Variants in PCCA observed in about 807,000 individuals in gnomAD.
PCCA encodes the protein propionyl-CoA carboxylase alpha chain, mitochondrial.
A neutral mutation model predicts 101.3 loss-of-function variants in PCCA; 74 were observed. The ratio of observed to expected loss-of-function variants is 0.73; its 90% CI spans 0.61 to 0.89. The LOEUF (loss-of-function observed/expected upper bound fraction) is 0.89, where lower values mean the gene tolerates loss of function less well. Ranked by LOEUF, PCCA falls within the 40% of genes least tolerant of loss-of-function variation. The pLI is 0.00. For missense variants in PCCA, 891 were observed against 907.0 expected (o/e 0.98, Z 0.23); for synonymous variants, 294 against 313.6 (o/e 0.94, Z 0.66).
intron 6 of PCCA, among the ~76,000 whole-genome samples, chr13:100,189,893 G>A (rs552610204): frequency 6.6e-6 from 1 of 152,094 alleles, no homozygotes; most frequent in Non-Finnish European, 1.5e-5. Context: ...AAATACCCTG[G>A]AATCAATATA....
At chr13:100,128,903 T>C (rs141743554) in intron 4 of PCCA, among the ~76,000 whole-genome samples, 1 of 152,324 alleles carries the variant, frequency 6.6e-6, no homozygotes, top group African/African-American at 2.4e-5. Context: ...AAAATTGTTT[T>C]ATTTTTTGTA....
chr13:100,452,114 T>C (rs2081367226), intron 21 of PCCA, among the ~76,000 whole-genome samples: 1 of 77,798 alleles, frequency 1.3e-5, no homozygotes, highest in Non-Finnish European at 2.7e-5. Context: ...TTTCTCTCTC[T>C]CCTCTTCTTC....
intron 21 of PCCA, among the ~76,000 whole-genome samples, chr13:100,485,961 G>A (rs2084341565): frequency 6.6e-6 from 1 of 152,214 alleles, no homozygotes; most frequent in Admixed American, 6.5e-5. Context: ...ACTCATCCTA[G>A]TGCAGTCCCG....
Position 100,340,262 on chromosome 13 carries a change from A to G in PCCA, c.1643+3A>G. 7.0e-7 allele frequency: 1 copy of G among 1,424,288 alleles called. No homozygotes were observed. The highest frequency in any genetic ancestry group is 9.9e-7 in the Non-Finnish European group (1 of 1,006,952). The allele number at this position is 1,424,288 out of a possible 1,614,324, so 88.2% of individuals were successfully genotyped here. ...CAACATTTTCAAGAAAATTCAAGGT[A>G]TGGTAGATCATTTAAAACAGAATAA... On this transcript the variant is annotated splice_donor_region_variant and intron_variant, in intron 18 of 23. Transcript: ENST00000376285.
chr13:100,466,076 A>T (rs2082494916), intron 21 of PCCA: 1 of 152,230 alleles, frequency 6.6e-6, no homozygotes, highest in East Asian at 1.9e-4. Context: ...ATTTGAGTAG[A>T]TGTACTGTTA....
At chr13:100,350,243 C>T (rs922360212) in intron 18 of PCCA, among the ~76,000 whole-genome samples, 7 of 152,076 alleles carry the variant, frequency 4.6e-5, no homozygotes, top group South Asian at 2.1e-4. Context: ...CACATTTATA[C>T]GTCAATGAAA....
chr13:100,135,619 A>AT lies in PCCA; in HGVS notation c.301-19351dup, dbSNP rs200914964. Among the ~76,000 whole-genome samples the AT allele has an allele frequency of 4.0e-3, 597 of 150,698 alleles. 5 individuals are homozygous for AT. Among genetic ancestry groups the AT allele is most frequent in the African/African-American group, 0.013 (553 of 41,000 alleles). On this transcript the variant is annotated intron_variant, in intron 4 of 23. Transcript: ENST00000376285. ...GTTGTCTGTGAACAGAGACAGTTCG[A>AT]TTTTTTTTTCTTTATAATTTGTATG...
intron 21 of PCCA, among the ~76,000 whole-genome samples, chr13:100,512,539 A>G (rs575606267): frequency 1.3e-5 from 2 of 152,268 alleles, no homozygotes; most frequent in African/African-American, 4.8e-5. Context: ...AGCGGAGTGA[A>G]GTTCCACGCA....
At chr13:100,465,369 C>T (rs937518198) in intron 21 of PCCA, among the ~76,000 whole-genome samples, 20 of 152,134 alleles carry the variant, frequency 1.3e-4, no homozygotes, top group Admixed American at 1.3e-4. Context: ...ATAGGACAAA[C>T]ATTTGATTAT....
At chr13:100,343,502 A>G (rs1247437696) in intron 18 of PCCA, among the ~76,000 whole-genome samples, 3 of 152,258 alleles carry the variant, frequency 2.0e-5, no homozygotes, top group Non-Finnish European at 4.4e-5. Flanking sequence ...ATGTGAAGAG[A>G]CAGAAACCAG....
At chr13:100,293,611 T>A (rs2065299495) in intron 12 of PCCA, among the ~76,000 whole-genome samples, 1 of 152,196 alleles carries the variant, frequency 6.6e-6, no homozygotes, top group African/African-American at 2.4e-5. Context: ...ATTGTAAAAT[T>A]TCATTCTTGT....
intron 15 of PCCA, among the ~76,000 whole-genome samples, chr13:100,307,862 T>C (rs1260139804): frequency 6.6e-6 from 1 of 152,204 alleles, no homozygotes; most frequent in African/African-American, 2.4e-5. Flanking sequence ...ATTTTTATTT[T>C]ATTATTATTT....
At chr13:100,115,313 T>C (rs1214739370) in intron 4 of PCCA, among the ~76,000 whole-genome samples, 1 of 152,028 alleles carries the variant, frequency 6.6e-6, no homozygotes, top group African/African-American at 2.4e-5. Flanking sequence ...GATTAATGAG[T>C]ACAAGAATAT....
Position 100,355,581 on chromosome 13 carries a change from C to G in PCCA, c.1644-12891C>G, listed in dbSNP as rs140424851. On this transcript the variant is annotated intron_variant, in intron 18 of 23. Transcript: ENST00000376285. ...ACTCTATATAGCACCAAAAAATATA[C>G]AATACTTAAATGTAAATTTTAAACA... Among the ~76,000 whole-genome samples, 8 of 152,118 alleles carry G rather than the reference C, an allele frequency of 5.3e-5. No homozygotes were observed. In the Middle Eastern group the frequency reaches 0.02, roughly 388 times the overall value.
intron 18 of PCCA, among the ~76,000 whole-genome samples, chr13:100,352,603 A>G (rs2073412568): frequency 6.6e-6 from 1 of 152,026 alleles, no homozygotes; most frequent in Admixed American, 6.6e-5. Flanking sequence ...TATGTTACCC[A>G]GGCAAGTCTC....
At chr13:100,429,633 G>C (rs1311830759) in intron 20 of PCCA, among the ~76,000 whole-genome samples, 2 of 151,814 alleles carry the variant, frequency 1.3e-5, no homozygotes, top group Non-Finnish European at 2.9e-5. Flanking sequence ...TTGAGACACA[G>C]CCTCCCTCTG....
chr13:100,455,435 C>T (rs553919185), intron 21 of PCCA, among the ~76,000 whole-genome samples: 242 of 152,200 alleles, frequency 1.6e-3, no homozygotes, highest in African/African-American at 5.0e-3. Flanking sequence ...TTTTGTTTTA[C>T]GCGTTTTTAA....
chr13:100,464,163 A>G lies in PCCA; in HGVS notation c.1899+14858A>G, dbSNP rs180802275. ...TTTTCCATTTAAAATATTTGAGATT[A>G]CAAGTTATGTGTTCACAGGAAATTA... On this transcript the variant is annotated intron_variant, in intron 21 of 23. Coordinates refer to ENST00000376285, the MANE Select transcript of PCCA (RefSeq NM_000282.4). Among the ~76,000 whole-genome samples, 24 of 152,346 alleles carry G rather than the reference A, an allele frequency of 1.6e-4. No homozygotes were observed. The East Asian group carries it at 4.4e-3, about 28-fold the overall frequency.
intron 6 of PCCA, among the ~76,000 whole-genome samples, chr13:100,195,938 G>A (rs1452718878): frequency 6.6e-6 from 1 of 151,992 alleles, no homozygotes; most frequent in Admixed American, 6.6e-5. Context: ...ATGAGACTCT[G>A]GAAGTGGTAT....
Sources: gnomAD v4.1 joint callset for allele counts (sites outside exome capture counted in the v4.1 genomes callset) on GRCh38, gnomAD v4.1.1 for gene constraint, MANE v1.5 for transcripts, NCBI Gene and HGNC (gene_info 2026-07-23, HGNC 2026-07-21) for gene names.